Variants in CYP7B1 observed in about 807,000 individuals in gnomAD.
CYP7B1 encodes cytochrome P450 family 7 subfamily B member 1, also known as cytochrome P450 7B1.
Under a neutral mutation model 42.7 loss-of-function variants are expected in CYP7B1, and 29 were observed. The observed-to-expected ratio is 0.68, with a 90% CI of 0.51 to 0.93. The LOEUF is 0.93. CYP7B1 is among the 40% of genes least tolerant of loss of function. The pLI is 0.00. For synonymous variants in CYP7B1, 235 were observed against 218.2 expected (o/e 1.08, Z -0.68); for missense variants, 655 against 600.5 (o/e 1.09, Z -0.95).
At position 64,730,345 on chromosome 8, in the gene CYP7B1, C is replaced by G. The variant is rs375070947; in HGVS notation, c.122+68121G>C. On this transcript the variant is annotated intron_variant, in intron 1 of 5. Transcript: ENST00000310193. Reference sequence around the variant, plus strand: ...TCAGGCTCCCAGAGTGCTAGGATTACAGGCATGAGCCACTGTGCCCAGTCA... The same window carrying G: ...TCAGGCTCCCAGAGTGCTAGGATTAGAGGCATGAGCCACTGTGCCCAGTCA... Among the ~76,000 whole-genome samples the G allele has an allele frequency of 1.2e-4, 18 of 152,224 alleles. No homozygotes were observed. The East Asian group carries it at 1.4e-3, about 11-fold the overall frequency.
In CYP7B1 at chr8:64,606,302, G is replaced by A. The variant is rs112934290; in HGVS notation, c.1058-1445C>T. Among the ~76,000 whole-genome samples, 517 of 152,344 alleles carry A rather than the reference G, an allele frequency of 3.4e-3. 8 individuals are homozygous for A. Among genetic ancestry groups the A allele is most frequent in the African/African-American group, 0.011 (478 of 41,578 alleles). On this transcript the variant is annotated intron_variant, in intron 4 of 5. Coordinates refer to ENST00000310193, the MANE Select transcript of CYP7B1 (RefSeq NM_004820.5). ...GCACCTGACACGATGGATTTCAGCT[G>A]GCAGAACACCAAGGACCAACATTTC... is the stretch of plus-strand genomic sequence containing the variant.
chr8:64,599,606 T>G (rs1805172102), intron 5 of CYP7B1, among the ~76,000 whole-genome samples: 1 of 152,196 alleles, frequency 6.6e-6, no homozygotes, highest in South Asian at 2.1e-4. Context: ...CGGAAGTTCC[T>G]CACTGTTCCT....
intron 1 of CYP7B1, among the ~76,000 whole-genome samples, chr8:64,783,569 A>G (rs1804468339): frequency 6.6e-6 from 1 of 151,368 alleles, no homozygotes; most frequent in Non-Finnish European, 1.5e-5. Context: ...TCCAAATAGC[A>G]ACTAAGAGGA....
intron 1 of CYP7B1, among the ~76,000 whole-genome samples, chr8:64,782,088 C>T (rs1398040566): frequency 6.6e-6 from 1 of 152,106 alleles, no homozygotes; most frequent in Non-Finnish European, 1.5e-5. Context: ...TAGAGTAGAG[C>T]TGAATTTTGG....
intron 1 of CYP7B1, among the ~76,000 whole-genome samples, chr8:64,685,794 G>A (rs1159686181): frequency 2.2e-5 from 1 of 45,242 alleles, no homozygotes; most frequent in East Asian, 4.3e-4. Context: ...CAGCCCCCCC[G>A]CCCGGCCAGC....
At chr8:64,730,584 T>C (rs567772448) in intron 1 of CYP7B1, among the ~76,000 whole-genome samples, 3 of 152,180 alleles carry the variant, frequency 2.0e-5, no homozygotes, top group South Asian at 4.1e-4. Context: ...ACCTAATGAT[T>C]TGTGAGCTAA....
chr8:64,762,084 T>C (rs143875106), intron 1 of CYP7B1, among the ~76,000 whole-genome samples: 2 of 152,296 alleles, frequency 1.3e-5, no homozygotes, highest in East Asian at 3.9e-4. Context: ...GCACAGAACA[T>C]ACACACTCAG....
chr8:64,748,144 G>A (rs1193958447), intron 1 of CYP7B1, among the ~76,000 whole-genome samples: 1 of 152,142 alleles, frequency 6.6e-6, no homozygotes, highest in Non-Finnish European at 1.5e-5. Context: ...ATTCTAGAAA[G>A]ATCAGTTCAT....
chr8:64,700,923 T>TTTG lies in CYP7B1; in HGVS notation c.123-76387_123-76385dup, dbSNP rs35437465. The stretch of plus-strand genomic sequence containing the variant: ...TGCTCCAAGGAAATTTTAGTCACTT[T>TTTG]TTGTTGTTGTTGTTGTTGTTGTTGC... On this transcript the variant is annotated intron_variant, in intron 1 of 5. Transcript: ENST00000310193. Among the ~76,000 whole-genome samples the TTTG allele has an allele frequency of 6.2e-4, 93 of 151,144 alleles. No homozygotes were observed. In the South Asian group the frequency reaches 8.8e-3, roughly 14 times the overall value.
Position 64,732,393 on chromosome 8 carries a change from A to T in CYP7B1, c.122+66073T>A, listed in dbSNP as rs912268246. 5.3e-5 allele frequency among the ~76,000 whole-genome samples: 8 copies of T among 152,292 alleles called. No homozygotes were observed. In the East Asian group the frequency reaches 1.5e-3, roughly 29 times the overall value. On this transcript the variant is annotated intron_variant, in intron 1 of 5. Coordinates refer to ENST00000310193, the MANE Select transcript of CYP7B1 (RefSeq NM_004820.5). ...GGATTCTGGACAGCATGTGGCCTGT[A>T]GTCTCTTTGTTTTGGCCAATTTCTC... is the stretch of plus-strand genomic sequence containing the variant.
chr8:64,604,914 T>C (rs978250775), intron 4 of CYP7B1, 57 bp from the exon 5 acceptor site: 2 of 1,557,406 alleles, frequency 1.3e-6, no homozygotes, highest in African/African-American at 2.7e-5. Context: ...TGAAAACTGC[T>C]CTCAGTTTGC....
chr8:64,753,477 G>A (rs1807761020), intron 1 of CYP7B1, among the ~76,000 whole-genome samples: 2 of 152,174 alleles, frequency 1.3e-5, no homozygotes, highest in African/African-American at 4.8e-5. Flanking sequence ...AAGGACTAAT[G>A]TCCAGTTTGA....
chr8:64,639,951 G>C (rs1468353388), intron 1 of CYP7B1, among the ~76,000 whole-genome samples: 1 of 151,824 alleles, frequency 6.6e-6, no homozygotes, highest in South Asian at 2.1e-4. Context: ...GAAATGAACT[G>C]GAAAAGAAAA....
At chr8:64,637,238 A>G (rs1483552629) in intron 1 of CYP7B1, among the ~76,000 whole-genome samples, 1 of 152,212 alleles carries the variant, frequency 6.6e-6, no homozygotes, top group Non-Finnish European at 1.5e-5. Flanking sequence ...CACAGAAAAG[A>G]CATTTCAAGG....
chr8:64,663,743 G>A (rs1334215859), intron 1 of CYP7B1, among the ~76,000 whole-genome samples: 3 of 90,552 alleles, frequency 3.3e-5, no homozygotes, highest in Admixed American at 2.4e-4. Context: ...ACAGGACAAG[G>A]AAAGAGGCAG....
chr8:64,775,677 C>T (rs937270419), intron 1 of CYP7B1, among the ~76,000 whole-genome samples: 4 of 152,032 alleles, frequency 2.6e-5, no homozygotes, highest in African/African-American at 4.8e-5. Flanking sequence ...TGAATTCTGA[C>T]GTGCTGTGGG....
At chr8:64,747,445 A>AT (rs1474952998) in intron 1 of CYP7B1, among the ~76,000 whole-genome samples, 1 of 151,300 alleles carries the variant, frequency 6.6e-6, no homozygotes, top group Non-Finnish European at 1.5e-5. Flanking sequence ...TGTTGACCAA[A>AT]AGCCTTACCA....
At position 64,616,207 on chromosome 8, in the gene CYP7B1, G is replaced by A. The variant is rs200737038; in HGVS notation, c.334C>T (p.Arg112Ter). The change falls in exon 3 of 6, where the codon CGA becomes TGA. Residue 112 changes from arginine (R) to a stop codon, truncating the protein, a stop_gained. Coordinates refer to ENST00000310193, the MANE Select transcript of CYP7B1 (RefSeq NM_004820.5). LOFTEE classifies it high-confidence loss of function. Reference protein sequence around the residue: ...VIKNHKQLSFRVFSNKLLEKA... With the variant: ...VIKNHKQLSF Reference sequence around the variant, plus strand: ...TCTAATAATTTATTAGAAAATACTCGAAAGCTTAATTGTTTATGATTTTTT... The same window carrying A: ...TCTAATAATTTATTAGAAAATACTCAAAAGCTTAATTGTTTATGATTTTTT... The A allele has an allele frequency of 4.0e-5, 65 of 1,610,756 alleles. No individual in the cohort carries two copies. The East Asian group carries it at 6.5e-4, about 16-fold the overall frequency.
intron 1 of CYP7B1, among the ~76,000 whole-genome samples, chr8:64,627,727 T>C (rs1805629602): frequency 6.6e-6 from 1 of 152,174 alleles, no homozygotes; most frequent in Non-Finnish European, 1.5e-5. Context: ...TCATCATTTC[T>C]TACAGCTGTG....
Sources: allele counts gnomAD v4.1 joint callset (sites outside exome capture counted in the v4.1 genomes callset), GRCh38; gene constraint gnomAD v4.1.1; transcripts MANE v1.5; gene names NCBI Gene and HGNC (gene_info 2026-07-23, HGNC 2026-07-21).